The following CTIF variants were observed in gnomAD, a reference collection of about 807,000 sequenced individuals.
CTIF encodes the protein cap binding complex dependent translation initiation factor, also known as CBP80/20-dependent translation initiation factor.
CTIF carries 21 observed loss-of-function variants against 66.0 expected under a neutral mutation model. The ratio of observed to expected loss-of-function variants is 0.32; its 90% confidence interval spans 0.23 to 0.46. The LOEUF (loss-of-function observed/expected upper bound fraction) is 0.46. Among genes scored for constraint, CTIF ranks in the 20% least tolerant of loss-of-function variants. The probability of loss-of-function intolerance (pLI) is 1.00; values close to 1 mark genes in which losing one functional copy is unlikely to be tolerated. For synonymous variants in CTIF, 345 were observed against 326.4 expected, an observed-to-expected ratio of 1.06 and a Z score of -0.62; for missense variants, 739 against 812.7, an observed-to-expected ratio of 0.91 and a Z score of 1.10.
chr18:48,667,676 AAC>A (rs1412029210), intron 5 of CTIF, among the ~76,000 whole-genome samples: 1 of 152,324 alleles, frequency 6.6e-6, no homozygotes, highest in African/African-American at 2.4e-5. Context: ...AAGCCAGAGT[AAC>A]CAGCCACACC....
rs370073960 is a variant in CTIF at position 48,656,768 on chromosome 18, G to T, written c.253-6984G>T. 6.6e-5 allele frequency among the ~76,000 whole-genome samples: 10 copies of T among 152,312 alleles called. No homozygotes were observed. The South Asian group carries it at 1.0e-3, about 16-fold the overall frequency. ...CCCACTGAAAAGGATGATTGTTTTT[G>T]ATAAGGCTTCTCAGAACCTTGGCAT... On this transcript the variant is annotated intron_variant, in intron 3 of 11. Transcript: ENST00000256413.
rs187050719 is a variant in CTIF, at chr18:48,833,854, T to A, written c.1527+16478T>A. The stretch of plus-strand genomic sequence containing the variant: ...GTTTTCATACAGGCAAGAGGGAAGG[T>A]CTTTATTGGTCAGAGGGGCCTTCCA... On this transcript the variant is annotated intron_variant, in intron 10 of 11. Coordinates refer to ENST00000256413, the MANE Select transcript of CTIF (RefSeq NM_014772.3). Among the ~76,000 whole-genome samples the A allele has an allele frequency of 2.6e-3, 395 of 152,154 alleles. 1 individual carries two copies. Among genetic ancestry groups the A allele is most frequent in the African/African-American group, 8.7e-3 (363 of 41,490 alleles).
intron 9 of CTIF, among the ~76,000 whole-genome samples, chr18:48,770,316 G>A (rs980126976): frequency 2.0e-5 from 3 of 152,172 alleles, no homozygotes; most frequent in Non-Finnish European, 4.4e-5. Context: ...TTGCCACTGC[G>A]CCACTGTGCC....
Position 48,549,646 on chromosome 18 carries a change from G to T in CTIF, c.-29+10334G>T, listed in dbSNP as rs201182980. Among the ~76,000 whole-genome samples, 5 of 152,336 alleles carry T rather than the reference G, an allele frequency of 3.3e-5. No homozygotes were observed. The East Asian group carries it at 9.6e-4, about 29-fold the overall frequency. ...ACTGCGTCCAAAGGCAGGCAGGAAG[G>T]TTAGATTCTCCTTGTCTGTCTTAAT... is the stretch of plus-strand genomic sequence containing the variant. On this transcript the variant is annotated intron_variant, in intron 1 of 11. Coordinates refer to ENST00000256413, the MANE Select transcript of CTIF (RefSeq NM_014772.3).
rs528369890 is a variant in CTIF at position 48,677,354 on chromosome 18, G to T, written c.507+6610G>T. On this transcript the variant is annotated intron_variant, in intron 6 of 11. Transcript: ENST00000256413. ...GGCATCTCTCTGTGTCCCAGGCATT[G>T]TCTTATAGCCATTATGGACTGAGTT... 7.2e-4 allele frequency among the ~76,000 whole-genome samples: 110 copies of T among 152,180 alleles called. 2 individuals are homozygous for T. The highest frequency in any genetic ancestry group is 4.4e-4 in the Non-Finnish European group (30 of 68,032).
intron 7 of CTIF, among the ~76,000 whole-genome samples, chr18:48,746,949 A>G (rs1907273540): frequency 6.6e-6 from 1 of 152,038 alleles, no homozygotes; most frequent in African/African-American, 2.4e-5. Context: ...CCGAGAACTC[A>G]CCAGACCCCA....
chr18:48,838,954 C>G (rs1402746179), intron 10 of CTIF, among the ~76,000 whole-genome samples: 4 of 152,154 alleles, frequency 2.6e-5, no homozygotes, highest in Non-Finnish European at 4.4e-5. Flanking sequence ...TGGAACCTGT[C>G]TTCTGCTCCC....
chr18:48,697,239 C>T (rs2092020945), intron 6 of CTIF, among the ~76,000 whole-genome samples: 1 of 152,224 alleles, frequency 6.6e-6, no homozygotes, highest in Non-Finnish European at 1.5e-5. Flanking sequence ...CTGTGCCAGA[C>T]ACTGTGGGGC....
In CTIF at chr18:48,758,003, C is replaced by T; in HGVS notation, c.669C>T (p.His223=). Residue 223 remains histidine (H), a synonymous_variant, in exon 8 of 12, where the codon CAC becomes CAT. Coordinates refer to ENST00000256413, the MANE Select transcript of CTIF (RefSeq NM_014772.3). ...QPGSAKHNRD[H]QKSYQGGSAP... is the part of the protein sequence containing the mutation. ...GCAGTGCCAAACACAACAGGGACCACCAGAAATCCTACCAGGGGGGCTCAG... is the reference window on the plus strand; with the variant it reads ...GCAGTGCCAAACACAACAGGGACCATCAGAAATCCTACCAGGGGGGCTCAG... The T allele has an allele frequency of 6.2e-7, 1 of 1,614,038 alleles. No homozygotes were observed.
chr18:48,682,988 C>G (rs1320053462), intron 6 of CTIF: 1 of 152,302 alleles, frequency 6.6e-6, no homozygotes, highest in African/African-American at 2.4e-5. Flanking sequence ...GCTCAGTGTT[C>G]CAGATCTTTC....
chr18:48,586,048 G>T (rs1056862355), intron 1 of CTIF, among the ~76,000 whole-genome samples: 1 of 152,122 alleles, frequency 6.6e-6, no homozygotes, highest in Non-Finnish European at 1.5e-5. Context: ...GATGCCTGTC[G>T]CAGGGGTGGT....
chr18:48,584,667 T>A (rs905411026), intron 1 of CTIF, among the ~76,000 whole-genome samples: 1 of 152,190 alleles, frequency 6.6e-6, no homozygotes, highest in East Asian at 1.9e-4. Context: ...AGTTTGGCGA[T>A]GTTCAGTGCA....
intron 1 of CTIF, among the ~76,000 whole-genome samples, chr18:48,577,508 T>A (rs1209575069): frequency 6.6e-6 from 1 of 152,216 alleles, no homozygotes; most frequent in Non-Finnish European, 1.5e-5. Context: ...AAAAGCTTTT[T>A]TGAGATAAAA....
At chr18:48,581,421 TC>T (rs554486610) in intron 1 of CTIF, among the ~76,000 whole-genome samples, 17 of 139,386 alleles carry the variant, frequency 1.2e-4, no homozygotes, top group Non-Finnish European at 2.4e-4. Context: ...AGAGCTTTTT[TC>T]CCATTTCTCT....
At chr18:48,592,198 G>C (rs2143987642) in intron 1 of CTIF, among the ~76,000 whole-genome samples, 1 of 151,364 alleles carries the variant, frequency 6.6e-6, no homozygotes, top group Non-Finnish European at 1.5e-5. Context: ...TTCCTGGGTT[G>C]GTTTGAAAAT....
chr18:48,629,979 T>C (rs374817773), intron 2 of CTIF, among the ~76,000 whole-genome samples: 35 of 152,312 alleles, frequency 2.3e-4, no homozygotes, highest in African/African-American at 7.5e-4. Flanking sequence ...ACTGTTTTGC[T>C]TTCCATGGTT....
chr18:48,599,178 A>G (rs934461165), intron 1 of CTIF, among the ~76,000 whole-genome samples: 9 of 152,144 alleles, frequency 5.9e-5, no homozygotes, highest in African/African-American at 7.2e-5. Flanking sequence ...AGATGGTTCT[A>G]TTGGCCCAGG....
intron 9 of CTIF, among the ~76,000 whole-genome samples, chr18:48,787,174 C>T (rs1006626279): frequency 3.9e-5 from 6 of 152,020 alleles, no homozygotes; most frequent in Admixed American, 2.6e-4. Context: ...GAAGGATGAC[C>T]GACATCCACC....
At chr18:48,845,370 C>T (rs758945085) in intron 10 of CTIF, among the ~76,000 whole-genome samples, 1 of 152,194 alleles carries the variant, frequency 6.6e-6, no homozygotes, top group Non-Finnish European at 1.5e-5. Flanking sequence ...TCCAGGGGAC[C>T]TTGGTCATTG....
Sources: allele counts gnomAD v4.1 joint callset (sites outside exome capture counted in the v4.1 genomes callset), GRCh38; gene constraint gnomAD v4.1.1; transcripts MANE v1.5; gene names NCBI Gene and HGNC (gene_info 2026-07-23, HGNC 2026-07-21).